The following VAMP4 variants were observed in gnomAD, a reference collection of about 807,000 sequenced individuals.
VAMP4 encodes the protein vesicle associated membrane protein 4.
A neutral mutation model predicts 23.5 loss-of-function variants in VAMP4; 19 were observed. The observed-to-expected ratio is 0.81, with a 90% confidence interval of 0.56 to 1.19. VAMP4 has a LOEUF of 1.19. VAMP4 is among the 50% of genes most tolerant of loss of function. The pLI, the probability that VAMP4 is intolerant of heterozygous loss-of-function variation, is 0.00. For synonymous variants in VAMP4, 31 were observed against 51.0 expected, an observed-to-expected ratio of 0.61 and a Z score of 1.67; for missense variants, 145 against 168.6, an observed-to-expected ratio of 0.86 and a Z score of 0.78.
intron 4 of VAMP4, among the ~76,000 whole-genome samples, chr1:171,712,846 AGAT>A (rs1654894225): frequency 6.6e-6 from 1 of 152,236 alleles, no homozygotes; most frequent in South Asian, 2.1e-4. Context: ...TGAACAAAAC[AGAT>A]GATAATCCCA....
At chr1:171,727,240 CAAAAAAAAAAA>C (rs35549560) in intron 3 of VAMP4, among the ~76,000 whole-genome samples, 1 of 85,098 alleles carries the variant, frequency 1.2e-5, no homozygotes, top group Non-Finnish European at 2.1e-5. Flanking sequence ...TACCTTGTCT[CAAAAAAAAAAA>C]AAAAAAAAGC....
At chr1:171,718,002 T>A (rs1045244041) in intron 4 of VAMP4, among the ~76,000 whole-genome samples, 2 of 152,110 alleles carry the variant, frequency 1.3e-5, no homozygotes, top group African/African-American at 4.8e-5. Flanking sequence ...CTGATTGCCA[T>A]CTTGTTAAAC....
chr1:171,722,908 T>C (rs1226143449), intron 3 of VAMP4, among the ~76,000 whole-genome samples: 3 of 104,380 alleles, frequency 2.9e-5, no homozygotes, highest in Admixed American at 2.8e-4. Flanking sequence ...TTACTGGGCA[T>C]ATACCCAAAG....
At chr1:171,725,307 A>C (rs1655328264) in intron 3 of VAMP4, among the ~76,000 whole-genome samples, 1 of 152,170 alleles carries the variant, frequency 6.6e-6, no homozygotes, top group African/African-American at 2.4e-5. Context: ...TGTATTCAAT[A>C]GTGAGTTCCT....
intron 3 of VAMP4, among the ~76,000 whole-genome samples, chr1:171,727,615 T>C (rs1261989630): frequency 1.3e-5 from 2 of 152,180 alleles, no homozygotes; most frequent in African/African-American, 2.4e-5. Context: ...AGAGAAATAA[T>C]AGCATATATC....
At chr1:171,723,714 C>A (rs541641428) in intron 3 of VAMP4, among the ~76,000 whole-genome samples, 2 of 152,048 alleles carry the variant, frequency 1.3e-5, no homozygotes. Context: ...GGTCCTGAGG[C>A]GACATACATC....
chr1:171,735,627 T>C (rs1655716355), intron 2 of VAMP4, among the ~76,000 whole-genome samples: 1 of 152,200 alleles, frequency 6.6e-6, no homozygotes, highest in African/African-American at 2.4e-5. Flanking sequence ...TGACTAAAGA[T>C]TTCCTTGGGG....
intron 3 of VAMP4, among the ~76,000 whole-genome samples, chr1:171,727,993 T>C (rs1157216477): frequency 6.6e-6 from 1 of 152,218 alleles, no homozygotes; most frequent in Non-Finnish European, 1.5e-5. Context: ...TTGATTTTGG[T>C]GATGATGTCA....
At position 171,701,472 on chromosome 1, in the gene VAMP4, T is replaced by G. The variant is rs1359778749; in HGVS notation, c.*3034A>C. 1 of 152,164 alleles carries G rather than the reference T, an allele frequency of 6.6e-6. No homozygotes were observed. The highest frequency in any genetic ancestry group is 1.5e-5 in the Non-Finnish European group (1 of 68,008). The allele number at this position is 152,164 out of a possible 1,614,324, so 9.4% of individuals were successfully genotyped here. On this transcript the variant is annotated 3_prime_UTR_variant, in exon 8 of 8. Transcript: ENST00000236192. ...TTAGAGTATACCGGCAATGAGAGAT[T>G]TCAATTACTTTATATTCCTGCCTTC...
intron 5 of VAMP4, 54 bp from the exon 6 acceptor site, chr1:171,709,798 T>C (rs1283633325): frequency 1.5e-6 from 2 of 1,346,052 alleles, no homozygotes; most frequent in East Asian, 2.3e-5. Context: ...AGGATTCTTT[T>C]ATCTAGTCAC....
At chr1:171,730,247 T>C (rs1233653209) in intron 2 of VAMP4, among the ~76,000 whole-genome samples, 1 of 152,174 alleles carries the variant, frequency 6.6e-6, no homozygotes, top group South Asian at 2.1e-4. Context: ...ACACTACCCA[T>C]GTACTTTTCC....
At chr1:171,707,800 G>A (rs1267124421) in intron 6 of VAMP4, among the ~76,000 whole-genome samples, 2 of 151,902 alleles carry the variant, frequency 1.3e-5, no homozygotes, top group East Asian at 3.9e-4. Flanking sequence ...TTAAAAGCAC[G>A]CTATTCCTCT....
chr1:171,726,892 A>G lies in VAMP4; in HGVS notation c.113+1632T>C, dbSNP rs189242077. ...GGGTTAAGTTATAGATTTGTAGTAAATATTTTCAGAACACATATCTGACAG... is the reference window on the plus strand; with the variant it reads ...GGGTTAAGTTATAGATTTGTAGTAAGTATTTTCAGAACACATATCTGACAG... On this transcript the variant is annotated intron_variant, in intron 3 of 7. Transcript: ENST00000236192. 9.6e-4 allele frequency among the ~76,000 whole-genome samples: 146 copies of G among 152,272 alleles called. 2 individuals are homozygous for G. The highest frequency in any genetic ancestry group is 3.4e-3 in the African/African-American group (141 of 41,556).
chr1:171,725,235 C>T (rs1655326855), intron 3 of VAMP4, among the ~76,000 whole-genome samples: 1 of 152,124 alleles, frequency 6.6e-6, no homozygotes, highest in Non-Finnish European at 1.5e-5. Flanking sequence ...AAGGTTCATC[C>T]ATGTTTTAGC....
chr1:171,730,772 CAATCTAGCATAAGGGAAGGCATAAGGG>C (rs1655535224), intron 2 of VAMP4, among the ~76,000 whole-genome samples: 1 of 151,714 alleles, frequency 6.6e-6, no homozygotes, highest in South Asian at 2.1e-4. Context: ...TAAAAATAAT[CAATCTAGCATAAGGGAAGGCATAAGGG>C]AATCTACCAT....
chr1:171,738,192 G>A (rs186984310), intron 2 of VAMP4, among the ~76,000 whole-genome samples, 157 bp downstream of exon 2: 3 of 152,304 alleles, frequency 2.0e-5, no homozygotes, highest in Admixed American at 2.0e-4. Flanking sequence ...AGACAGTCTT[G>A]AACTTCTGGG....
intron 3 of VAMP4, among the ~76,000 whole-genome samples, chr1:171,724,482 TAAAAG>T (rs781008656): frequency 6.6e-6 from 1 of 151,600 alleles, no homozygotes; most frequent in Non-Finnish European, 1.5e-5. Context: ...TAATAAAAAA[TAAAAG>T]AAAATACTTA....
chr1:171,730,191 G>A (rs1655517772), intron 2 of VAMP4, among the ~76,000 whole-genome samples: 1 of 152,182 alleles, frequency 6.6e-6, no homozygotes, highest in South Asian at 2.1e-4. Context: ...AATTTGTGTT[G>A]TTTTAAGTGT....
chr1:171,728,437 T>A, intron 3 of VAMP4, 87 bp downstream of exon 3: 1 of 1,115,430 alleles, frequency 9.0e-7, no homozygotes, highest in Non-Finnish European at 1.2e-6. Flanking sequence ...CTACTGCATA[T>A]CTGTCAAAAT....
Sources: gnomAD v4.1 joint callset for allele counts (sites outside exome capture counted in the v4.1 genomes callset) on GRCh38, gnomAD v4.1.1 for gene constraint, MANE v1.5 for transcripts, NCBI Gene and HGNC (gene_info 2026-07-23, HGNC 2026-07-21) for gene names.